Variants in RECQL4 observed in about 807,000 individuals in gnomAD.
RECQL4 encodes RecQ like helicase 4, also known as ATP-dependent DNA helicase Q4.
Under a neutral mutation model 128.6 loss-of-function variants are expected in RECQL4, and 158 were observed. The observed-to-expected ratio is 1.23, with a 90% CI of 1.08 to 1.40. The LOEUF (loss-of-function observed/expected upper bound fraction) is 1.40. Ranked by LOEUF, RECQL4 falls within the 40% of genes most tolerant of loss-of-function variation. The pLI is 0.00. For missense variants in RECQL4, 2,293 were observed against 1,649.8 expected, an observed-to-expected ratio of 1.39 and a Z score of -6.75; for synonymous variants, 996 against 678.9, an observed-to-expected ratio of 1.47 and a Z score of -7.26.
Position 144,512,742 on chromosome 8 carries a change from G to T in RECQL4, c.2785C>A (p.Leu929Met). 6.2e-7 allele frequency: 1 copy of T among 1,612,124 alleles called. No individual in the cohort carries two copies. ...AIETLLCYLE[L>M]HPHHWLELLA... ...AGCTCCAGCCAGTGGTGTGGGTGCAGCTCCAGGTAGCACAGCAAAGTCTCG... is the reference window on the plus strand; with the variant it reads ...AGCTCCAGCCAGTGGTGTGGGTGCATCTCCAGGTAGCACAGCAAAGTCTCG... Residue 929 changes from leucine (L) to methionine (M), a missense_variant, in exon 16 of 21, where the codon CTG becomes ATG. Physicochemically the swap from Leu to Met is conservative, Grantham distance 15. Coordinates refer to ENST00000617875, the MANE Select transcript of RECQL4 (RefSeq NM_004260.4).
rs754692026 is a variant in RECQL4, at chr8:144,513,275, C to T, written c.2406G>A (p.Val802=). 29 of 1,596,796 alleles carry T rather than the reference C, an allele frequency of 1.8e-5. No homozygotes were observed. The East Asian group carries it at 3.6e-4, about 20-fold the overall frequency. The change falls in exon 14 of 21, where the codon GTG becomes GTA. Residue 802 remains valine, a synonymous_variant. Transcript: ENST00000617875. ...GCTGCCCGTCACGCCCGGCCCGGCC[C>T]ACGGCCTGCACGTAGCTCTCGAAGC... ...PPSFESYVQA[V]GRAGRDGQPA... is the part of the protein sequence containing the mutation.
Position 144,515,076 on chromosome 8 carries a change from G to A in RECQL4, c.1484-4C>T, listed in dbSNP as rs777310447. 2.5e-6 allele frequency: 4 copies of A among 1,603,054 alleles called. No homozygotes were observed. The highest frequency in any genetic ancestry group is 3.4e-6 in the Non-Finnish European group (4 of 1,175,802). ...AGCACCAGCAGCGTGGAGATGCCTG[G>A]ATGGGGCGGGAGTCAGCAGCAGGGT... On this transcript the variant is annotated splice_polypyrimidine_tract_variant and splice_region_variant and intron_variant, in intron 8 of 20. Coordinates refer to ENST00000617875, the MANE Select transcript of RECQL4 (RefSeq NM_004260.4).
In RECQL4 at chr8:144,512,837, G is replaced by A. The variant is rs775596331; in HGVS notation, c.2755+10C>T. Reference sequence around the variant, plus strand: ...CTCCACACCCCTGTGGCTTACCCCAGGTTCCTCACCCTCCTCCGGCATGTC... The same window carrying A: ...CTCCACACCCCTGTGGCTTACCCCAAGTTCCTCACCCTCCTCCGGCATGTC... On this transcript the variant is annotated intron_variant, in intron 15 of 20. Transcript: ENST00000617875. The A allele has an allele frequency of 8.1e-6, 13 of 1,607,162 alleles. No homozygotes were observed. Among genetic ancestry groups the A allele is most frequent in the East Asian group, 2.2e-5 (1 of 44,680 alleles).
rs373657692 is a variant in RECQL4, at chr8:144,516,105, G to A, written c.1014C>T (p.Pro338=). The change falls in exon 5 of 21, where the codon CCC becomes CCT. Residue 338 remains proline (P), a synonymous_variant. Transcript: ENST00000617875. ...ARAGKAEGTA[P]LHIFPRLARH... is the part of the protein sequence containing the mutation. ...GGGCCAGCCGAGGGAAGATGTGCAG[G>A]GGGGCTGTGCCCTCAGCCTTCCCAG... 14 of 1,612,744 alleles carry A rather than the reference G, an allele frequency of 8.7e-6. No homozygotes were observed. The East Asian group carries it at 8.9e-5, about 10-fold the overall frequency.
In RECQL4 at chr8:144,515,040, C is replaced by T. The variant is rs1473530499; in HGVS notation, c.1516G>A (p.Ala506Thr). The change falls in exon 9 of 21, where the codon GCC (alanine) becomes ACC (threonine). Residue 506 changes from alanine to threonine, a missense_variant. Physicochemically the swap from Ala to Thr is moderately conservative, Grantham distance 58. Transcript: ENST00000617875. ...ISTLLVLPTG[A>T]GKSLCYQLPA... is the part of the protein sequence containing the mutation. Reference sequence around the variant, plus strand: ...AGCTGGTAGCACAGGGACTTGCCGGCACCTGTAGGCAGCACCAGCAGCGTG... The same window carrying T: ...AGCTGGTAGCACAGGGACTTGCCGGTACCTGTAGGCAGCACCAGCAGCGTG... 6.2e-7 allele frequency: 1 copy of T among 1,609,652 alleles called. No homozygotes were observed. The highest frequency in any genetic ancestry group is 8.5e-7 in the Non-Finnish European group (1 of 1,178,738).
chr8:144,517,018 T>C (rs771822491), intron 4 of RECQL4, 32 bp downstream of exon 4: 4 of 1,590,452 alleles, frequency 2.5e-6, no homozygotes, highest in Non-Finnish European at 3.4e-6. Context: ...GCTGTGGACC[T>C]AGCGTGGACT....
In RECQL4 at chr8:144,513,198, T is replaced by TCG; in HGVS notation, c.2463+19_2463+20insCG. ...ACTGGGGGCTCGAGCACTGGCAGTG[T>TCG]GGGGGGGGGGGGTGCCAACCTGGGG... On this transcript the variant is annotated intron_variant, in intron 14 of 20. Coordinates refer to ENST00000617875, the MANE Select transcript of RECQL4 (RefSeq NM_004260.4). 1 of 1,399,978 alleles carries TCG rather than the reference T, an allele frequency of 7.1e-7. No homozygotes were observed. The highest frequency in any genetic ancestry group is 2.6e-5 in the East Asian group (1 of 39,208). The allele number at this position is 1,399,978 out of a possible 1,614,324, so 86.7% of individuals were successfully genotyped here. A position where few individuals can be genotyped will look rare whatever the true frequency, so the allele number is the denominator to read the frequency against.
Position 144,512,479 on chromosome 8 carries a change from C to T in RECQL4, c.2968G>A (p.Val990Ile), listed in dbSNP as rs151223648. 10 of 1,612,444 alleles carry T rather than the reference C, an allele frequency of 6.2e-6. No homozygotes were observed. The highest frequency in any genetic ancestry group is 8.5e-6 in the Non-Finnish European group (10 of 1,179,782). ...QGSSSVEFDMVKLVDSMGWEL... is the reference protein window; with the variant it reads ...QGSSSVEFDMIKLVDSMGWEL... ...CAGCCCATGGAGTCCACCAGCTTGA[C>T]CATGTCAAACTCCACGGAGCTGCTG... The change falls in exon 17 of 21, where the codon GTC (valine) becomes ATC (isoleucine). Residue 990 changes from valine (V) to isoleucine (I), a missense_variant. Transcript: ENST00000617875.
In RECQL4 at chr8:144,512,736, G is replaced by C. The variant is rs768352855; in HGVS notation, c.2791C>G (p.Pro931Ala). 1.9e-6 allele frequency: 3 copies of C among 1,612,264 alleles called. No individual in the cohort carries two copies. In the Admixed American group the frequency reaches 5.0e-5, roughly 27 times the overall value. ...ETLLCYLELH[P>A]HHWLELLATT... ...GCCAGCAGCTCCAGCCAGTGGTGTGGGTGCAGCTCCAGGTAGCACAGCAAA... is the reference window on the plus strand; with the variant it reads ...GCCAGCAGCTCCAGCCAGTGGTGTGCGTGCAGCTCCAGGTAGCACAGCAAA... The change falls in exon 16 of 21, where the codon CCA becomes GCA. Residue 931 changes from proline (P) to alanine (A), a missense_variant. By Grantham distance (27) the Pro-to-Ala change is conservative. Transcript: ENST00000617875.
In RECQL4 at chr8:144,513,132, C is replaced by G. The variant is rs901313954; in HGVS notation, c.2470G>C (p.Asp824His). The G allele has an allele frequency of 7.1e-6, 11 of 1,540,892 alleles. No homozygotes were observed. Among genetic ancestry groups the G allele is most frequent in the African/African-American group, 1.4e-5 (1 of 71,212 alleles). Residue 824 changes from aspartate to histidine, a missense_variant, in exon 15 of 21, where the codon GAC becomes CAC. Physicochemically the swap from Asp to His is moderately conservative, Grantham distance 81 (BLOSUM62 -1). Coordinates refer to ENST00000617875, the MANE Select transcript of RECQL4 (RefSeq NM_004260.4). ...ACATGTCTGCGCAGCTCTCGCAGGT[C>G]TTCGCCCTGCAGGGCAACTTTCATG... Reference protein sequence around the residue: ...CHLFLQPQGEDLRELRRHVHA... With the variant: ...CHLFLQPQGEHLRELRRHVHA...
intron 5 of RECQL4, 43 bp downstream of exon 5, chr8:144,515,945 G>A (rs778056504): frequency 5.0e-6 from 8 of 1,611,896 alleles, no homozygotes; most frequent in East Asian, 2.2e-5. Flanking sequence ...GAGGGCTGAG[G>A]GGAGGGAAAG....
In RECQL4 at chr8:144,514,314, C is replaced by T; in HGVS notation, c.1753G>A (p.Val585Met). 6.2e-7 allele frequency: 1 copy of T among 1,609,680 alleles called. No individual in the cohort carries two copies. Among genetic ancestry groups the T allele is most frequent in the Non-Finnish European group, 8.5e-7 (1 of 1,178,328 alleles). The change falls in exon 11 of 21, where the codon GTG becomes ATG. Residue 585 changes from valine (V) to methionine (M), a missense_variant. Transcript: ENST00000617875. Reference protein sequence around the residue: ...HVLMLTPEALVGAGGLPPAAQ... With the variant: ...HVLMLTPEALMGAGGLPPAAQ... ...GCTGGAGGGAGGCCTCCCGCCCCCA[C>T]CAGTGCCTCAGGTGTCAGCATCAGC...
At position 144,516,965 on chromosome 8, in the gene RECQL4, CTGTG is replaced by C; in HGVS notation, c.354+81_354+84del. 3 of 1,532,132 alleles carry C rather than the reference CTGTG, an allele frequency of 2.0e-6. No homozygotes were observed. In the South Asian group the frequency reaches 3.7e-5, roughly 19 times the overall value. The allele number at this position is 1,532,132 out of a possible 1,614,324, so 94.9% of individuals were successfully genotyped here. A position where few individuals can be genotyped will look rare whatever the true frequency, so the allele number is the denominator to read the frequency against. Reference sequence around the variant, plus strand: ...GGTTGGCACAGGGGCCCGTGCCTGTCTGTGTGGAAAAAATGACAAGAGGGCGACC... The same window carrying C: ...GGTTGGCACAGGGGCCCGTGCCTGTCTGGAAAAAATGACAAGAGGGCGACC... On this transcript the variant is annotated intron_variant, in intron 4 of 20. Coordinates refer to ENST00000617875, the MANE Select transcript of RECQL4 (RefSeq NM_004260.4).
chr8:144,514,014 C>T lies in RECQL4; in HGVS notation c.1972G>A (p.Val658Met), dbSNP rs373608888. The T allele has an allele frequency of 1.1e-5, 17 of 1,570,840 alleles. No homozygotes were observed. The highest frequency in any genetic ancestry group is 2.4e-5 in the East Asian group (1 of 42,244). Reference protein sequence around the residue: ...TASDVAQHLAVAEEPDLHGPA... With the variant: ...TASDVAQHLAMAEEPDLHGPA... The stretch of plus-strand genomic sequence containing the variant: ...CCGTGGAGGTCAGGCTCTTCAGCCA[C>T]AGCCAGGTGCTGTGCCACGTCACTG... Residue 658 changes from valine (V) to methionine (M), a missense_variant, in exon 12 of 21, where the codon GTG (valine) becomes ATG (methionine). By Grantham distance (21) the Val-to-Met change is conservative. Coordinates refer to ENST00000617875, the MANE Select transcript of RECQL4 (RefSeq NM_004260.4).
Position 144,511,963 on chromosome 8 carries a change from T to G in RECQL4, c.3341A>C (p.Gln1114Pro). ...TGCGTCCTCCATGCCTCCCGGCTCC[T>G]GCCCTTCCTCTTCCTCAAAGTAGCG... The part of the protein sequence containing the change: ...LGRYFEEEEG[Q>P]EPGGMEDAQG... The change falls in exon 19 of 21, where the codon CAG becomes CCG. Residue 1114 changes from glutamine (Q) to proline (P), a missense_variant. Transcript: ENST00000617875. 1 of 1,611,686 alleles carries G rather than the reference T, an allele frequency of 6.2e-7. No homozygotes were observed. The highest frequency in any genetic ancestry group is 1.1e-5 in the South Asian group (1 of 91,056).
Position 144,514,193 on chromosome 8 carries a change from C to T in RECQL4, c.1874G>A (p.Cys625Tyr), listed in dbSNP as rs747827741. The T allele has an allele frequency of 2.5e-6, 4 of 1,612,144 alleles. No individual in the cohort carries two copies. The African/African-American group carries it at 5.3e-5, about 22-fold the overall frequency. ...HNFRPCYLRV[C>Y]KVLRERMGVH... ...CCCAGTTCACATATGGCTCACCTTG[C>T]AGACGCGCAGGTAGCAGGGCCGGAA... is the stretch of plus-strand genomic sequence containing the variant. The change falls in exon 11 of 21, where the codon TGC (cysteine) becomes TAC (tyrosine). Residue 625 changes from cysteine to tyrosine, a missense_variant. Cys to Tyr is a radical substitution (Grantham distance 194, BLOSUM62 -2). Coordinates refer to ENST00000617875, the MANE Select transcript of RECQL4 (RefSeq NM_004260.4).
Position 144,512,248 on chromosome 8 carries a change from G to A in RECQL4, c.3132C>T (p.Thr1044=), listed in dbSNP as rs373238823. The part of the protein sequence containing the change: ...AFHLRSPGDL[T]AEEKDQICDF... The stretch of plus-strand genomic sequence containing the variant: ...CACATATCTGGTCCTTCTCCTCAGC[G>A]GTCAAGTCCCCCGGGCTGCGAAGGT... The change falls in exon 18 of 21, where the codon ACC becomes ACT. Residue 1044 remains threonine (T), a synonymous_variant. Coordinates refer to ENST00000617875, the MANE Select transcript of RECQL4 (RefSeq NM_004260.4). 5.3e-5 allele frequency: 85 copies of A among 1,612,316 alleles called. No homozygotes were observed. The highest frequency in any genetic ancestry group is 6.6e-5 in the Non-Finnish European group (78 of 1,179,764).
chr8:144,511,738 G>C lies in RECQL4; in HGVS notation c.3445C>G (p.Leu1149Val), dbSNP rs748732922. Reference protein sequence around the residue: ...VRCDIRQFLSLRPEEKFSSRA... With the variant: ...VRCDIRQFLSVRPEEKFSSRA... ...CTGGAGAACTTCTCCTCTGGCCTCAGGGACAGGAACTGGCGGATGTCGCAG... is the reference window on the plus strand; with the variant it reads ...CTGGAGAACTTCTCCTCTGGCCTCACGGACAGGAACTGGCGGATGTCGCAG... The change falls in exon 20 of 21, where the codon CTG becomes GTG. Residue 1149 changes from leucine (L) to valine (V), a missense_variant. Transcript: ENST00000617875. 4 of 1,612,610 alleles carry C rather than the reference G, an allele frequency of 2.5e-6. No individual in the cohort carries two copies. In the South Asian group the frequency reaches 3.3e-5, roughly 13 times the overall value.
chr8:144,516,418 G>A lies in RECQL4; in HGVS notation c.701C>T (p.Ser234Phe), dbSNP rs746487281. 1.9e-6 allele frequency: 3 copies of A among 1,609,398 alleles called. No homozygotes were observed. The highest frequency in any genetic ancestry group is 1.7e-6 in the Non-Finnish European group (2 of 1,179,684). The change falls in exon 5 of 21, where the codon TCC (serine) becomes TTC (phenylalanine). Residue 234 changes from serine to phenylalanine, a missense_variant. Physicochemically the swap from Ser to Phe is radical, Grantham distance 155. Coordinates refer to ENST00000617875, the MANE Select transcript of RECQL4 (RefSeq NM_004260.4). ...GAAGGCTGAAGCCTCTGGGCCCTGG[G>A]AGCCAGCACCAGGACCAAGGACAGC... ...ESAVLGPGAG[S>F]QGPEASAFQE...
Sources: gnomAD v4.1 joint callset for allele counts on GRCh38, gnomAD v4.1.1 for gene constraint, MANE v1.5 for transcripts, NCBI Gene and HGNC (gene_info 2026-07-23, HGNC 2026-07-21) for gene names.